The following RIMS1 variants were observed in gnomAD, a reference collection of about 807,000 sequenced individuals.
RIMS1 encodes regulating synaptic membrane exocytosis protein 1.
A neutral mutation model predicts 214.1 loss-of-function variants in RIMS1; 83 were observed. The ratio of observed to expected loss-of-function variants is 0.39; its 90% CI spans 0.32 to 0.47. The LOEUF (loss-of-function observed/expected upper bound fraction) is 0.47, where lower values mean the gene tolerates loss of function less well. Ranked by LOEUF, RIMS1 falls within the 20% of genes least tolerant of loss-of-function variation. The pLI, the probability that RIMS1 is intolerant of heterozygous loss-of-function variation, is 0.99. For synonymous variants in RIMS1, 793 were observed against 786.8 expected, an observed-to-expected ratio of 1.01 and a Z score of -0.13; for missense variants, 2,050 against 2,161.8, an observed-to-expected ratio of 0.95 and a Z score of 1.03.
At chr6:72,257,287 A>T (rs1162740005) in intron 16 of RIMS1, among the ~76,000 whole-genome samples, 13 of 151,818 alleles carry the variant, frequency 8.6e-5, no homozygotes, top group Admixed American at 8.5e-4. Flanking sequence ...TAAACTCTAA[A>T]CTCTTCTTTT....
chr6:72,208,461 G>A (rs2053291176), intron 6 of RIMS1, among the ~76,000 whole-genome samples: 1 of 152,136 alleles, frequency 6.6e-6, no homozygotes, highest in African/African-American at 2.4e-5. Flanking sequence ...GCTAAGAAAT[G>A]GAGCTCAGAG....
chr6:71,938,930 C>G (rs1266388899), intron 1 of RIMS1, among the ~76,000 whole-genome samples: 1 of 152,330 alleles, frequency 6.6e-6, no homozygotes, highest in East Asian at 1.9e-4. Flanking sequence ...TCTTTTCATT[C>G]TACTTCCTTT....
chr6:72,329,206 A>G (rs2096580231), intron 28 of RIMS1, among the ~76,000 whole-genome samples: 2 of 151,984 alleles, frequency 1.3e-5, no homozygotes, highest in African/African-American at 4.8e-5. Context: ...TGGCTTAAGT[A>G]GGGAGTTCAT....
At chr6:71,955,107 G>A (rs1337294916) in intron 1 of RIMS1, among the ~76,000 whole-genome samples, 1 of 151,650 alleles carries the variant, frequency 6.6e-6, no homozygotes, top group East Asian at 1.9e-4. Flanking sequence ...TTCTATTGAT[G>A]GACACCTAGA....
chr6:72,013,175 C>T (rs1811446940), intron 2 of RIMS1, among the ~76,000 whole-genome samples: 1 of 152,096 alleles, frequency 6.6e-6, no homozygotes, highest in Non-Finnish European at 1.5e-5. Context: ...GCCAATTAGA[C>T]CTATTTAGAG....
At chr6:72,299,230 A>T (rs1333902088) in intron 26 of RIMS1, among the ~76,000 whole-genome samples, 1 of 151,964 alleles carries the variant, frequency 6.6e-6, no homozygotes, top group Non-Finnish European at 1.5e-5. Context: ...GCCTTTAGAT[A>T]CTATTTTTTA....
intron 2 of RIMS1, among the ~76,000 whole-genome samples, chr6:72,047,537 A>T (rs755179970): frequency 2.3e-4 from 35 of 152,142 alleles, no homozygotes; most frequent in Non-Finnish European, 4.9e-4. Flanking sequence ...TAATATATGA[A>T]AGAAAGAAGT....
intron 4 of RIMS1, among the ~76,000 whole-genome samples, chr6:72,172,495 A>T (rs920708889): frequency 1.6e-4 from 24 of 152,194 alleles, no homozygotes; most frequent in African/African-American, 5.5e-4. Context: ...GCAATGACAT[A>T]TAAAAATAAA....
At chr6:72,297,436 A>C (rs1242129024) in intron 26 of RIMS1, among the ~76,000 whole-genome samples, 2 of 152,046 alleles carry the variant, frequency 1.3e-5, no homozygotes, top group African/African-American at 4.8e-5. Context: ...CTTCATTTAG[A>C]GCCCTTTCCA....
intron 11 of RIMS1, among the ~76,000 whole-genome samples, chr6:72,246,749 G>A (rs1034072504): frequency 2.0e-5 from 3 of 152,110 alleles, no homozygotes; most frequent in African/African-American, 7.2e-5. Flanking sequence ...AAAGAGGGAA[G>A]TGGGACTAAT....
chr6:72,061,406 T>C (rs992974846), intron 2 of RIMS1, among the ~76,000 whole-genome samples: 9 of 152,242 alleles, frequency 5.9e-5, no homozygotes, highest in African/African-American at 1.2e-4. Flanking sequence ...TGGTCATTGC[T>C]CAATGTTGCT....
chr6:72,079,217 C>T (rs1218643234), intron 2 of RIMS1, among the ~76,000 whole-genome samples: 1 of 152,102 alleles, frequency 6.6e-6, no homozygotes, highest in Non-Finnish European at 1.5e-5. Flanking sequence ...CATAAGATTT[C>T]CAGATGTGGG....
intron 23 of RIMS1, among the ~76,000 whole-genome samples, chr6:72,277,877 A>G (rs971434458): frequency 3.3e-5 from 5 of 152,148 alleles, no homozygotes; most frequent in Non-Finnish European, 5.9e-5. Context: ...ATTAACCAAA[A>G]TTTGTAAGTA....
chr6:72,118,468 G>A (rs2037536166), intron 4 of RIMS1, among the ~76,000 whole-genome samples: 2 of 151,224 alleles, frequency 1.3e-5, no homozygotes, highest in Non-Finnish European at 1.5e-5. Flanking sequence ...CTCCCTAAAC[G>A]TTCTATGAAG....
intron 1 of RIMS1, among the ~76,000 whole-genome samples, chr6:71,916,170 A>G (rs1478897118): frequency 6.6e-6 from 1 of 152,206 alleles, no homozygotes; most frequent in African/African-American, 2.4e-5. Context: ...GGCAATATTT[A>G]GAAAGCAGAA....
chr6:72,115,775 T>G (rs1236036860), intron 4 of RIMS1, among the ~76,000 whole-genome samples: 1 of 151,922 alleles, frequency 6.6e-6, no homozygotes, highest in Non-Finnish European at 1.5e-5. Context: ...TTCATTAATA[T>G]CCTTTATTTC....
intron 29 of RIMS1, among the ~76,000 whole-genome samples, chr6:72,361,380 A>T (rs1308774797): frequency 6.6e-6 from 1 of 151,998 alleles, no homozygotes; most frequent in Non-Finnish European, 1.5e-5. Flanking sequence ...TGCTGGGATT[A>T]CAGGTGTGAG....
chr6:72,168,032 A>C (rs1237350524), intron 4 of RIMS1, among the ~76,000 whole-genome samples: 1 of 152,176 alleles, frequency 6.6e-6, no homozygotes, highest in Non-Finnish European at 1.5e-5. Flanking sequence ...TGCAGGAGCA[A>C]TAAAAGAGGC....
At chr6:71,945,401 T>A (rs1234629589) in intron 1 of RIMS1, among the ~76,000 whole-genome samples, 1 of 152,144 alleles carries the variant, frequency 6.6e-6, no homozygotes, top group Admixed American at 6.6e-5. Context: ...ACTCTTCACC[T>A]TCTAGTTTGC....
Sources: allele counts gnomAD v4.1 joint callset (sites outside exome capture counted in the v4.1 genomes callset), GRCh38; gene constraint gnomAD v4.1.1; transcripts MANE v1.5; gene names NCBI Gene and HGNC (gene_info 2026-07-23, HGNC 2026-07-21).